DDX56: variants seen among roughly 807,000 people sequenced by gnomAD.
DDX56 encodes probable ATP-dependent RNA helicase DDX56.
Under a neutral mutation model 61.5 loss-of-function variants are expected in DDX56, and 45 were observed. That is an observed-to-expected ratio of 0.73 (90% CI 0.58 to 0.94). The LOEUF (loss-of-function observed/expected upper bound fraction) is 0.94, where lower values mean the gene tolerates loss of function less well. DDX56 is among the 40% of genes least tolerant of loss of function. The pLI is 0.00. For missense variants in DDX56, 708 were observed against 690.7 expected (o/e 1.02, Z -0.28); for synonymous variants, 273 against 268.3 (o/e 1.02, Z -0.17).
At chr7:44,567,702 C>A (rs1802577770) in intron 12 of DDX56, 2 of 286,944 alleles carry the variant, frequency 7.0e-6, no homozygotes, top group Non-Finnish European at 1.4e-5. Flanking sequence ...CCCAGAGACT[C>A]CACAGATGCC....
At chr7:44,572,320 T>C (rs762101523) in intron 5 of DDX56, 27 bp downstream of exon 5, 2 of 1,594,320 alleles carry the variant, frequency 1.3e-6, no homozygotes, top group South Asian at 1.1e-5. Flanking sequence ...TGTCTGCAGC[T>C]CCAGACACTT....
chr7:44,566,428 GCAGTCCC>G lies in DDX56; in HGVS notation c.1566+13_1566+19del, dbSNP rs746709860. On this transcript the variant is annotated intron_variant, in intron 13 of 13. Transcript: ENST00000258772. Reference sequence around the variant, plus strand: ...GTTGGGAGGAGTCCTGGGGCTGTCCGCAGTCCCCAGGAGCCGTACCTTGGCCTTCCTA... The same window carrying G: ...GTTGGGAGGAGTCCTGGGGCTGTCCGCAGGAGCCGTACCTTGGCCTTCCTA... The G allele has an allele frequency of 1.9e-6, 3 of 1,544,484 alleles. No homozygotes were observed. In the South Asian group the frequency reaches 3.6e-5, roughly 18 times the overall value.
chr7:44,569,946 C>A, intron 8 of DDX56, 43 bp from the exon 9 acceptor site: 1 of 1,612,012 alleles, frequency 6.2e-7, no homozygotes, highest in African/African-American at 1.3e-5. Flanking sequence ...AACCCGCAGG[C>A]TCTGTCCAGC....
At position 44,572,697 on chromosome 7, in the gene DDX56, C is replaced by A. The variant is rs961816288; in HGVS notation, c.431G>T (p.Arg144Leu). 1.9e-6 allele frequency: 3 copies of A among 1,614,186 alleles called. No individual in the cohort carries two copies. The highest frequency in any genetic ancestry group is 1.6e-4 in the Middle Eastern group (1 of 6,062). The part of the protein sequence containing the change: ...KPDVVVGTPS[R>L]ILSHLQQDSL... The stretch of plus-strand genomic sequence containing the variant: ...GTCTTGCTGCAAGTGGCTTAATATG[C>A]GAGATGGGGTCCCTACTACCACATC... Residue 144 changes from arginine to leucine, a missense_variant, in exon 4 of 14, where the codon CGC becomes CTC. Transcript: ENST00000258772.
rs778311241 is a variant in DDX56 at position 44,573,559 on chromosome 7, C to T, written c.222+24G>A. On this transcript the variant is annotated intron_variant, in intron 2 of 13. Transcript: ENST00000258772. ...GGCTTTTGGAGCTTGCCTCCTTCCT[C>T]CCCTCAGCTCTCTCGTTACCCACCG... 2.5e-6 allele frequency: 4 copies of T among 1,607,874 alleles called. No individual in the cohort carries two copies. In the South Asian group the frequency reaches 4.4e-5, roughly 18 times the overall value.
rs751786562 is a variant in DDX56, at chr7:44,571,539, G to C, written c.843C>G (p.Phe281Leu). ...SYRLRLFLEQ[F>L]SIPTCVLNGE... ...CATTGAGCACACAGGTGGGGATGCT[G>C]AACTGTTCCAAGAACAGGCGTAGCC... The change falls in exon 6 of 14, where the codon TTC (phenylalanine) becomes TTG (leucine). Residue 281 changes from phenylalanine (F) to leucine (L), a missense_variant. Phe to Leu is a conservative substitution (Grantham distance 22). Transcript: ENST00000258772. 8.7e-6 allele frequency: 14 copies of C among 1,614,112 alleles called. No individual in the cohort carries two copies. The highest frequency in any genetic ancestry group is 3.3e-4 in the Middle Eastern group (2 of 6,062).
chr7:44,573,743 GC>G lies in DDX56; in HGVS notation c.61del (p.Ala21LeufsTer12), dbSNP rs1242530187. 2 of 1,613,554 alleles carry G rather than the reference GC, an allele frequency of 1.2e-6. No homozygotes were observed. Among genetic ancestry groups the G allele is most frequent in the Non-Finnish European group, 1.7e-6 (2 of 1,179,978 alleles). On this transcript the variant is annotated frameshift_variant and splice_region_variant, in exon 2 of 14. Transcript: ENST00000258772. LOFTEE classifies it high-confidence loss of function. ...HMGLDPRLLQ[A>X]VTDLGWSRPT... ...TCGCGACCAGCCCAGATCGGTGACAGCCTAGGAGACCAGGAGTGCGGTTTAA... is the reference window on the plus strand; with the variant it reads ...TCGCGACCAGCCCAGATCGGTGACAGCTAGGAGACCAGGAGTGCGGTTTAA...
At position 44,568,565 on chromosome 7, in the gene DDX56, G is replaced by A. The variant is rs182647252; in HGVS notation, c.1383+338C>T. On this transcript the variant is annotated intron_variant, in intron 11 of 13. Coordinates refer to ENST00000258772, the MANE Select transcript of DDX56 (RefSeq NM_019082.4). ...GGCCCCAGGCTGTTTCCATCTTTTG[G>A]TTCCATGATAATGCCATGGATGGAT... 3.0e-3 allele frequency among the ~76,000 whole-genome samples: 456 copies of A among 152,100 alleles called. 2 individuals carry two copies. The highest frequency in any genetic ancestry group is 0.01 in the African/African-American group (432 of 41,488).
At chr7:44,573,521 A>G in intron 2 of DDX56, 62 bp downstream of exon 2, 1 of 1,582,468 alleles carries the variant, frequency 6.3e-7, no homozygotes, top group South Asian at 1.1e-5. Context: ...ACAAACGGGA[A>G]CCGCCCTTCC....
Position 44,569,888 on chromosome 7 carries a change from G to C in DDX56, c.1140C>G (p.Asn380Lys), listed in dbSNP as rs1562584009. The C allele has an allele frequency of 6.2e-7, 1 of 1,611,010 alleles. No homozygotes were observed. The highest frequency in any genetic ancestry group is 1.7e-5 in the Admixed American group (1 of 59,642). Residue 380 changes from asparagine to lysine, a missense_variant, in exon 9 of 14, where the codon AAC (asparagine) becomes AAG (lysine). By Grantham distance (94) the Asn-to-Lys change is moderately conservative (BLOSUM62 0). Coordinates refer to ENST00000258772, the MANE Select transcript of DDX56 (RefSeq NM_019082.4). Reference sequence around the variant, plus strand: ...CAAAGGTTAAGACTATGCCTGGGTTGTTAGCGCGTGCTGTCCTGCAAGGGA... The same window carrying C: ...CAAAGGTTAAGACTATGCCTGGGTTCTTAGCGCGTGCTGTCCTGCAAGGGA... ...IHRAGRTARA[N>K]NPGIVLTFVL...
rs1247153451 is a variant in DDX56 at position 44,568,182 on chromosome 7, C to T, written c.1425G>A (p.Arg475=). The change falls in exon 12 of 14, where the codon CGG becomes CGA. Residue 475 remains arginine, a synonymous_variant. Transcript: ENST00000258772. ...CTGCGGGGTGCAAAGGTAGGTCATG[C>T]CGCAGCAGCTGGAGGTCCCTAGGGT... ...EDNPRDLQLL[R]HDLPLHPAVV... is the part of the protein sequence containing the mutation. 1 of 1,613,832 alleles carries T rather than the reference C, an allele frequency of 6.2e-7. No homozygotes were observed. Among genetic ancestry groups the T allele is most frequent in the Non-Finnish European group, 8.5e-7 (1 of 1,179,896 alleles).
chr7:44,566,269 C>A, intron 13 of DDX56, 179 bp downstream of exon 13: 1 of 719,694 alleles, frequency 1.4e-6, no homozygotes. Flanking sequence ...CAGGCGGCTG[C>A]AAAAGTACCC....
intron 7 of DDX56, among the ~76,000 whole-genome samples, 161 bp downstream of exon 7, chr7:44,570,597 T>G (rs1221938001): frequency 6.6e-6 from 1 of 152,214 alleles, no homozygotes; most frequent in Non-Finnish European, 1.5e-5. Context: ...CTTCTCTATA[T>G]CCAGGCAGCT....
At chr7:44,569,713 A>G in intron 9 of DDX56, 96 bp downstream of exon 9, 4 of 1,112,004 alleles carry the variant, frequency 3.6e-6, no homozygotes, top group East Asian at 5.1e-5. Context: ...GGCCTGTCAC[A>G]CTATGTTGTG....
At chr7:44,569,061 A>AGCAAGAC in intron 10 of DDX56, 69 bp from the exon 11 acceptor site, 6 of 1,611,584 alleles carry the variant, frequency 3.7e-6, no homozygotes, top group Non-Finnish European at 5.1e-6. Flanking sequence ...CTGGATGCTC[A>AGCAAGAC]GCAAGACGGT....
intron 5 of DDX56, among the ~76,000 whole-genome samples, 158 bp downstream of exon 5, chr7:44,572,189 A>G (rs1802692834): frequency 6.6e-6 from 1 of 152,188 alleles, no homozygotes. Flanking sequence ...ATATATAGTG[A>G]TTTTAGACCA....
In DDX56 at chr7:44,571,616, A is replaced by G; in HGVS notation, c.766T>C (p.Leu256=). Residue 256 remains leucine, a synonymous_variant, in exon 6 of 14, where the codon TTG becomes CTG. Coordinates refer to ENST00000258772, the MANE Select transcript of DDX56 (RefSeq NM_019082.4). The part of the protein sequence containing the change: ...LLLYALLKLS[L]IRGKSLLFVN... Reference sequence around the variant, plus strand: ...AAGAGCAGAGACTTGCCCCGAATCAATGACAGCTTGAGCAGGGCATACAGC... The same window carrying G: ...AAGAGCAGAGACTTGCCCCGAATCAGTGACAGCTTGAGCAGGGCATACAGC... 6.2e-7 allele frequency: 1 copy of G among 1,614,212 alleles called. No individual in the cohort carries two copies. The highest frequency in any genetic ancestry group is 8.5e-7 in the Non-Finnish European group (1 of 1,180,040).
At chr7:44,570,539 G>A (rs368678791) in intron 7 of DDX56, among the ~76,000 whole-genome samples, 33 of 152,208 alleles carry the variant, frequency 2.2e-4, no homozygotes, top group African/African-American at 4.3e-4. Flanking sequence ...CAACAACCCC[G>A]GCAGTTTTGC....
Position 44,571,526 on chromosome 7 carries a change from A to G in DDX56, c.856T>C (p.Cys286Arg). ...AGTGGAAGCTCTCCATTGAGCACAC[A>G]GGTGGGGATGCTGAACTGTTCCAAG... ...LFLEQFSIPT[C>R]VLNGELPLRS... Residue 286 changes from cysteine to arginine, a missense_variant, in exon 6 of 14, where the codon TGT (cysteine) becomes CGT (arginine). Cys to Arg is a radical substitution (Grantham distance 180). Coordinates refer to ENST00000258772, the MANE Select transcript of DDX56 (RefSeq NM_019082.4). The G allele has an allele frequency of 6.2e-7, 1 of 1,614,108 alleles. No individual in the cohort carries two copies. The highest frequency in any genetic ancestry group is 8.5e-7 in the Non-Finnish European group (1 of 1,180,038).
Sources: allele counts gnomAD v4.1 joint callset (sites outside exome capture counted in the v4.1 genomes callset), GRCh38; gene constraint gnomAD v4.1.1; transcripts MANE v1.5; gene names NCBI Gene and HGNC (gene_info 2026-07-23, HGNC 2026-07-21).